The following TTC7B variants were observed in gnomAD, a reference collection of about 807,000 sequenced individuals.
TTC7B encodes the protein tetratricopeptide repeat protein 7B.
A neutral mutation model predicts 106.8 loss-of-function variants in TTC7B; 28 were observed. The observed-to-expected ratio is 0.26, with a 90% CI of 0.19 to 0.36. The LOEUF (loss-of-function observed/expected upper bound fraction) is 0.36, where lower values mean the gene tolerates loss of function less well. Among genes scored for constraint, TTC7B ranks in the 10% least tolerant of loss-of-function variants. The pLI is 1.00. For synonymous variants in TTC7B, 405 were observed against 430.6 expected, an observed-to-expected ratio of 0.94 and a Z score of 0.74; for missense variants, 862 against 1,076.4, an observed-to-expected ratio of 0.80 and a Z score of 2.79.
chr14:90,816,102 C>A, intron 1 of TTC7B, 73 bp downstream of exon 1: 1 of 975,418 alleles, frequency 1.0e-6, no homozygotes, highest in Non-Finnish European at 1.2e-6. Flanking sequence ...CGCGCCCGGC[C>A]GCGCCTCGGG....
intron 1 of TTC7B, among the ~76,000 whole-genome samples, chr14:90,798,128 C>T (rs2140052987): frequency 6.6e-6 from 1 of 152,302 alleles, no homozygotes; most frequent in East Asian, 1.9e-4. Context: ...CGTGCCTAGG[C>T]CAGCCCATAC....
At chr14:90,549,191 G>A (rs1024808893) in intron 19 of TTC7B, among the ~76,000 whole-genome samples, 20 of 152,212 alleles carry the variant, frequency 1.3e-4, no homozygotes, top group Admixed American at 2.6e-4. Context: ...TGCAGCTGGT[G>A]GAGGTCAAAC....
chr14:90,775,229 T>C (rs1890988805), intron 3 of TTC7B, among the ~76,000 whole-genome samples: 1 of 152,152 alleles, frequency 6.6e-6, no homozygotes, highest in African/African-American at 2.4e-5. Flanking sequence ...GCCAATCATT[T>C]GTGGTCAAAC....
In TTC7B at chr14:90,612,773, T is replaced by C. The variant is rs539503743; in HGVS notation, c.1869-1934A>G. 2.0e-5 allele frequency among the ~76,000 whole-genome samples: 3 copies of C among 152,318 alleles called. No homozygotes were observed. In the East Asian group the frequency reaches 5.8e-4, roughly 29 times the overall value. ...AACTTCTAGGTACATGCCAGGTGTG[T>C]ATAAAACCACATACCTACAACACAC... On this transcript the variant is annotated intron_variant, in intron 16 of 19. Coordinates refer to ENST00000328459, the MANE Select transcript of TTC7B (RefSeq NM_001010854.2).
chr14:90,702,907 T>A (rs1017097939), intron 5 of TTC7B, among the ~76,000 whole-genome samples: 5 of 152,264 alleles, frequency 3.3e-5, no homozygotes, highest in African/African-American at 1.2e-4. Context: ...GATGACCGCG[T>A]GTCTGGCAGG....
At chr14:90,573,394 G>T (rs563013842) in intron 19 of TTC7B, among the ~76,000 whole-genome samples, 1 of 147,572 alleles carries the variant, frequency 6.8e-6, no homozygotes, top group Admixed American at 6.7e-5. Context: ...TCCCTCTCCG[G>T]CTCACAGGCC....
chr14:90,579,334 G>A (rs1423141364), intron 18 of TTC7B, among the ~76,000 whole-genome samples: 1 of 152,232 alleles, frequency 6.6e-6, no homozygotes, highest in Non-Finnish European at 1.5e-5. Flanking sequence ...CCCACCTGCA[G>A]GCCAGACCCT....
At chr14:90,691,256 T>C (rs926668129) in intron 6 of TTC7B, among the ~76,000 whole-genome samples, 2 of 152,160 alleles carry the variant, frequency 1.3e-5, no homozygotes, top group African/African-American at 4.8e-5. Context: ...TTGTAAAAAT[T>C]TCTGCCCTAA....
intron 6 of TTC7B, 87 bp from the exon 7 acceptor site, chr14:90,689,799 C>A: frequency 6.8e-7 from 1 of 1,466,990 alleles, no homozygotes; most frequent in South Asian, 1.3e-5. Flanking sequence ...TTTATATCAT[C>A]ACATTGTGCT....
intron 4 of TTC7B, among the ~76,000 whole-genome samples, chr14:90,739,991 A>G (rs1254626793): frequency 6.6e-6 from 1 of 152,214 alleles, no homozygotes; most frequent in Non-Finnish European, 1.5e-5. Context: ...TGCCATTTCT[A>G]TCTGCTCTAA....
intron 5 of TTC7B, among the ~76,000 whole-genome samples, chr14:90,723,779 C>A (rs949603108): frequency 2.0e-5 from 3 of 152,192 alleles, no homozygotes; most frequent in African/African-American, 7.2e-5. Flanking sequence ...ATGACCAGTA[C>A]TTACATATTA....
chr14:90,742,123 C>T lies in TTC7B; in HGVS notation c.576+2669G>A, dbSNP rs1287710674. ...TGGTACAATCATAGCTCACTGCAAC[C>T]TCGAACTTCTGGGCTCAAGCAATCC... On this transcript the variant is annotated intron_variant, in intron 4 of 19. Transcript: ENST00000328459. The surrounding 1 kb of genome is among the most constrained non-coding windows in gnomAD (Gnocchi z 4.1). 6.6e-6 allele frequency among the ~76,000 whole-genome samples: 1 copy of T among 152,010 alleles called. No individual in the cohort carries two copies. Among genetic ancestry groups the T allele is most frequent in the East Asian group, 1.9e-4 (1 of 5,182 alleles).
At position 90,644,082 on chromosome 14, in the gene TTC7B, C is replaced by T. The variant is rs564080601; in HGVS notation, c.1717G>A (p.Asp573Asn). The T allele has an allele frequency of 1.7e-5, 28 of 1,613,986 alleles. No individual in the cohort carries two copies. In the East Asian group the frequency reaches 4.0e-4, roughly 23 times the overall value. The change falls in exon 15 of 20, where the codon GAC (aspartate) becomes AAC (asparagine). Residue 573 changes from aspartate (D) to asparagine (N), a missense_variant. Transcript: ENST00000328459. ...KHYHDALNII[D>N]MALSEYPENF... is the part of the protein sequence containing the mutation. ...TCTGGGTATTCACTCAGGGCCATGT[C>T]GATGATGTTCAGAGCGTCATGGTAA... is the stretch of plus-strand genomic sequence containing the variant.
intron 13 of TTC7B, among the ~76,000 whole-genome samples, chr14:90,650,579 T>G (rs1175490078): frequency 6.6e-6 from 1 of 152,188 alleles, no homozygotes; most frequent in African/African-American, 2.4e-5. Context: ...TCGTGTACCC[T>G]GTGCCACAAT....
At chr14:90,695,688 T>C (rs1887718002) in intron 5 of TTC7B, 110 bp from the exon 6 acceptor site, 2 of 539,834 alleles carry the variant, frequency 3.7e-6, no homozygotes, top group African/African-American at 2.0e-5. Flanking sequence ...GGCTAGATTT[T>C]AAGCAAACGA....
chr14:90,577,541 A>C lies in TTC7B; in HGVS notation c.2310+565T>G, dbSNP rs988927017. On this transcript the variant is annotated intron_variant, in intron 19 of 19. Transcript: ENST00000328459. This position sits in a 1 kb window ranked among gnomAD's most constrained non-coding sequence, Gnocchi z 5.0. ...GTTGAGCGCCGCCACACCCCTGTGC[A>C]GTGTGGACACTAGGGTGACTCATCT... Among the ~76,000 whole-genome samples, 1 of 152,182 alleles carries C rather than the reference A, an allele frequency of 6.6e-6. No individual in the cohort carries two copies. The highest frequency in any genetic ancestry group is 2.4e-5 in the African/African-American group (1 of 41,458).
At chr14:90,549,780 T>C (rs545193669) in intron 19 of TTC7B, among the ~76,000 whole-genome samples, 1 of 152,278 alleles carries the variant, frequency 6.6e-6, no homozygotes, top group East Asian at 1.9e-4. Flanking sequence ...GGAGAAATAC[T>C]AACCAAACGG....
At chr14:90,617,545 A>C (rs12435782) in intron 16 of TTC7B, among the ~76,000 whole-genome samples, 55 of 152,308 alleles carry the variant, frequency 3.6e-4, no homozygotes, top group African/African-American at 1.3e-3. Context: ...CAGGTCTTTT[A>C]AATATTGCTG....
At chr14:90,646,930 G>C (rs1485148328) in intron 14 of TTC7B, 21 bp downstream of exon 14, 12 of 1,607,110 alleles carry the variant, frequency 7.5e-6, no homozygotes, top group African/African-American at 2.7e-5. Flanking sequence ...AGCAAGTATA[G>C]GAAACATTAG....
Sources: allele counts gnomAD v4.1 joint callset (sites outside exome capture counted in the v4.1 genomes callset), GRCh38; gene constraint gnomAD v4.1.1; non-coding constraint Gnocchi (gnomAD v3.1); transcripts MANE v1.5; gene names NCBI Gene and HGNC (gene_info 2026-07-23, HGNC 2026-07-21).